LNPEP: variants seen among roughly 807,000 people sequenced by gnomAD.
LNPEP encodes leucyl and cystinyl aminopeptidase.
Under a neutral mutation model 120.6 loss-of-function variants are expected in LNPEP, and 64 were observed. That is an observed-to-expected ratio of 0.53 (90% CI 0.43 to 0.65). The LOEUF (loss-of-function observed/expected upper bound fraction) is 0.65. LNPEP is among the 30% of genes least tolerant of loss of function. LNPEP has a pLI of 0.00. For missense variants in LNPEP, 1,057 were observed against 1,200.0 expected, an observed-to-expected ratio of 0.88 and a Z score of 1.76; for synonymous variants, 435 against 425.4, an observed-to-expected ratio of 1.02 and a Z score of -0.28.
chr5:97,006,400 T>C (rs771075588), intron 10 of LNPEP, 27 bp from the exon 11 acceptor site: 1 of 1,391,536 alleles, frequency 7.2e-7, no homozygotes, highest in Non-Finnish European at 1.0e-6. Flanking sequence ...CATATGTAAC[T>C]AATTTTCCAA....
intron 11 of LNPEP, among the ~76,000 whole-genome samples, chr5:97,009,016 A>G (rs925830010): frequency 2.0e-5 from 3 of 152,030 alleles, no homozygotes; most frequent in Admixed American, 6.6e-5. Context: ...GTTTAACCCC[A>G]TAGACTAGCT....
At chr5:97,009,787 G>T (rs1327271836) in intron 11 of LNPEP, among the ~76,000 whole-genome samples, 2 of 152,046 alleles carry the variant, frequency 1.3e-5, no homozygotes, top group Non-Finnish European at 2.9e-5. Flanking sequence ...AGCCTTCTTG[G>T]TTCCTAATGC....
At chr5:96,989,894 G>GTT (rs1217841756) in intron 4 of LNPEP, among the ~76,000 whole-genome samples, 1 of 152,180 alleles carries the variant, frequency 6.6e-6, no homozygotes, top group Non-Finnish European at 1.5e-5. Flanking sequence ...ATGGGAATAA[G>GTT]TGGACCCTTT....
Position 97,006,088 on chromosome 5 carries a change from C to G in LNPEP, c.1801C>G (p.Leu601Val). 1 of 1,486,610 alleles carries G rather than the reference C, an allele frequency of 6.7e-7. No homozygotes were observed. Among genetic ancestry groups the G allele is most frequent in the Non-Finnish European group, 9.0e-7 (1 of 1,108,226 alleles). The allele number at this position is 1,486,610 out of a possible 1,614,324, so 92.1% of individuals were successfully genotyped here. ...DSFNEVTNQTLDVKRMMKTWT... is the reference protein window; with the variant it reads ...DSFNEVTNQTVDVKRMMKTWT... ...TATTTTGTAGGTCACAAACCAAACA[C>G]TAGATGTAAAGAGAATGATGAAAAC... The change falls in exon 10 of 18, where the codon CTA (leucine) becomes GTA (valine). Residue 601 changes from leucine to valine, a missense_variant. Transcript: ENST00000231368.
At chr5:96,984,763 T>G (rs1790203102) in intron 2 of LNPEP, among the ~76,000 whole-genome samples, 1 of 152,224 alleles carries the variant, frequency 6.6e-6, no homozygotes, top group Non-Finnish European at 1.5e-5. Flanking sequence ...GAGTATACTT[T>G]CTTCCCTTCT....
intron 2 of LNPEP, among the ~76,000 whole-genome samples, chr5:96,981,553 C>T (rs1225367107): frequency 6.6e-6 from 1 of 152,278 alleles, no homozygotes; most frequent in East Asian, 1.9e-4. Flanking sequence ...ATTTATTCCT[C>T]CCATTAAATA....
At chr5:97,019,323 A>G (rs1163323320) in intron 13 of LNPEP, among the ~76,000 whole-genome samples, 1 of 152,100 alleles carries the variant, frequency 6.6e-6, no homozygotes, top group Non-Finnish European at 1.5e-5. Context: ...TTAGAAAAAC[A>G]TTTCATTTTA....
At chr5:96,957,093 A>G (rs1297732619) in intron 1 of LNPEP, among the ~76,000 whole-genome samples, 1 of 152,222 alleles carries the variant, frequency 6.6e-6, no homozygotes, top group Non-Finnish European at 1.5e-5. Context: ...GCTTTAAAGT[A>G]TTCAATAATT....
Position 97,002,969 on chromosome 5 carries a change from A to G in LNPEP, c.1654-446A>G, listed in dbSNP as rs528096392. Among the ~76,000 whole-genome samples the G allele has an allele frequency of 3.2e-4, 48 of 152,348 alleles. No homozygotes were observed. The South Asian group carries it at 8.5e-3, about 27-fold the overall frequency. ...ATAAGAAATTAATGACCTACCTAGC[A>G]GGGAGACTTTTGAGAGCCTTGTCAA... On this transcript the variant is annotated intron_variant, in intron 8 of 17. Coordinates refer to ENST00000231368, the MANE Select transcript of LNPEP (RefSeq NM_005575.3).
chr5:96,941,602 A>G (rs1426352615), intron 1 of LNPEP, among the ~76,000 whole-genome samples: 1 of 151,948 alleles, frequency 6.6e-6, no homozygotes, highest in Non-Finnish European at 1.5e-5. Context: ...TTCTTTTTAT[A>G]TCTAGATCTT....
rs768837738 is a variant in LNPEP at position 97,023,674 on chromosome 5, A to C, written c.2562-847A>C. Among the ~76,000 whole-genome samples the C allele has an allele frequency of 5.3e-5, 8 of 152,206 alleles. 1 individual carries two copies. The highest frequency in any genetic ancestry group is 9.6e-5 in the African/African-American group (4 of 41,454). ...CTTGTACCTTTTAGCTATTGTGAAT[A>C]ATAATGCCATGAACATTGGTGTGCA... On this transcript the variant is annotated intron_variant, in intron 14 of 17. Transcript: ENST00000231368.
chr5:96,951,596 G>A (rs946999360), intron 1 of LNPEP, among the ~76,000 whole-genome samples: 2 of 152,142 alleles, frequency 1.3e-5, no homozygotes, highest in Middle Eastern at 3.2e-3. Flanking sequence ...GCAGGGTGTC[G>A]GGGGCGGGAT....
At chr5:97,008,813 T>A (rs56140709) in intron 11 of LNPEP, among the ~76,000 whole-genome samples, 4 of 151,818 alleles carry the variant, frequency 2.6e-5, no homozygotes, top group South Asian at 2.1e-4. Flanking sequence ...TACAGGCGCC[T>A]GCCACCATGC....
At chr5:97,005,180 T>C (rs1165790959) in intron 9 of LNPEP, among the ~76,000 whole-genome samples, 1 of 152,194 alleles carries the variant, frequency 6.6e-6, no homozygotes, top group Non-Finnish European at 1.5e-5. Flanking sequence ...TTTAAATAAA[T>C]GGGCATATGG....
chr5:97,003,673 T>C, intron 9 of LNPEP, 127 bp downstream of exon 9: 1 of 515,786 alleles, frequency 1.9e-6, no homozygotes, highest in Non-Finnish European at 3.2e-6. Context: ...AAGGGGGGGA[T>C]GGAGCTTGCT....
At chr5:96,994,748 A>T (rs951642566) in intron 6 of LNPEP, among the ~76,000 whole-genome samples, 2 of 152,188 alleles carry the variant, frequency 1.3e-5, no homozygotes, top group East Asian at 3.8e-4. Flanking sequence ...CAAACACCTT[A>T]TATGAATCTA....
intron 11 of LNPEP, among the ~76,000 whole-genome samples, chr5:97,008,346 T>TTTTTTTTTTTTTTTTTTTTTTTTTTTTTG (rs1790841237): frequency 5.9e-5 from 2 of 33,716 alleles, no homozygotes; most frequent in Admixed American, 3.6e-4. Context: ...TGTTTTTTTT[T>TTTTTTTTTTTTTTTTTTTTTTTTTTTTTG]TTTTTTTTTT....
intron 1 of LNPEP, among the ~76,000 whole-genome samples, chr5:96,940,280 G>T (rs969197831): frequency 1.6e-4 from 24 of 152,034 alleles, no homozygotes; most frequent in African/African-American, 2.9e-4. Flanking sequence ...TTATCTGTAG[G>T]TTATCCTTGA....
chr5:96,940,541 A>G (rs1195577633), intron 1 of LNPEP, among the ~76,000 whole-genome samples: 1 of 152,206 alleles, frequency 6.6e-6, no homozygotes, highest in African/African-American at 2.4e-5. Flanking sequence ...AATATGAAAT[A>G]TGGAAACACA....
Sources: allele counts gnomAD v4.1 joint callset (sites outside exome capture counted in the v4.1 genomes callset), GRCh38; gene constraint gnomAD v4.1.1; transcripts MANE v1.5; gene names NCBI Gene and HGNC (gene_info 2026-07-23, HGNC 2026-07-21).